Variants in MYO7A observed in about 807,000 individuals in gnomAD.
MYO7A encodes unconventional myosin-VIIa.
MYO7A carries 210 observed loss-of-function variants against 263.8 expected under a neutral mutation model. The ratio of observed to expected loss-of-function variants is 0.80; its 90% confidence interval spans 0.71 to 0.89. The LOEUF (loss-of-function observed/expected upper bound fraction) is 0.89, where lower values mean the gene tolerates loss of function less well. Ranked by LOEUF, MYO7A falls within the 40% of genes least tolerant of loss-of-function variation. MYO7A has a pLI of 0.00. For synonymous variants in MYO7A, 1,239 were observed against 1,197.3 expected, an observed-to-expected ratio of 1.03 and a Z score of -0.72; for missense variants, 2,820 against 2,968.3, an observed-to-expected ratio of 0.95 and a Z score of 1.16.
At chr11:77,208,554 G>C (rs1484984742) in intron 43 of MYO7A, 37 bp downstream of exon 43, 1 of 1,589,918 alleles carries the variant, frequency 6.3e-7, no homozygotes, top group Non-Finnish European at 8.6e-7. Flanking sequence ...CTGAGGCCCA[G>C]AGCAGGGAAG....
chr11:77,204,302 G>C, intron 39 of MYO7A, 73 bp downstream of exon 39: 3 of 1,520,118 alleles, frequency 2.0e-6, no homozygotes, highest in Non-Finnish European at 2.7e-6. Context: ...CCCTCCTGAG[G>C]CAGCTGCTGG....
chr11:77,213,115 G>A (rs997732727), intron 47 of MYO7A, 80 bp downstream of exon 47: 14 of 1,091,264 alleles, frequency 1.3e-5, no homozygotes, highest in Admixed American at 2.1e-5. Flanking sequence ...AACCCCACAA[G>A]CCCTCCTAGC....
In MYO7A at chr11:77,155,973, C is replaced by T; in HGVS notation, c.352C>T (p.His118Tyr). ...YQLLSIYSPE[H>Y]IRQYTNKKIG... is the part of the protein sequence containing the mutation. ...GCTGCTCTCCATCTACTCGCCAGAG[C>T]ACATCCGCCAGTATACCAACAAGAA... The change falls in exon 5 of 49, where the codon CAC becomes TAC. Residue 118 changes from histidine to tyrosine, a missense_variant. Transcript: ENST00000409709. The T allele has an allele frequency of 6.2e-7, 1 of 1,613,260 alleles. No individual in the cohort carries two copies. The highest frequency in any genetic ancestry group is 1.3e-5 in the African/African-American group (1 of 75,062).
Position 77,157,268 on chromosome 11 carries a change from C to A in MYO7A, c.736-11C>A. 4 of 1,599,258 alleles carry A rather than the reference C, an allele frequency of 2.5e-6. No homozygotes were observed. Among genetic ancestry groups the A allele is most frequent in the Non-Finnish European group, 3.4e-6 (4 of 1,171,388 alleles). ...CTCCCCTGGCCCCCAGCACTGTGCC[C>A]ACATTTTCAGGCCCTGGATGAAAGG... On this transcript the variant is annotated splice_polypyrimidine_tract_variant and intron_variant, in intron 7 of 48. Transcript: ENST00000409709.
intron 27 of MYO7A, among the ~76,000 whole-genome samples, chr11:77,185,975 T>C (rs542865008): frequency 5.4e-5 from 8 of 148,858 alleles, no homozygotes; most frequent in African/African-American, 2.0e-4. Flanking sequence ...CAGGCTGGAG[T>C]GCAGTGGCGC....
chr11:77,131,719 G>A (rs559981639), intron 2 of MYO7A, among the ~76,000 whole-genome samples: 5 of 152,322 alleles, frequency 3.3e-5, no homozygotes, highest in Middle Eastern at 3.4e-3. Context: ...CCCTCTGAAC[G>A]CTGACCCACC....
rs942527139 is a variant in MYO7A at position 77,208,921 on chromosome 11, A to G, written c.6051+118A>G. On this transcript the variant is annotated intron_variant, in intron 44 of 48. Coordinates refer to ENST00000409709, the MANE Select transcript of MYO7A (RefSeq NM_000260.4). The stretch of plus-strand genomic sequence containing the variant: ...TGGGGCCCGTACCAGCCTGGCCTCA[A>G]AGGGATTCCTGCCAAGACCACTGGA... The G allele has an allele frequency of 6.3e-6, 5 of 796,198 alleles. No homozygotes were observed. In the African/African-American group the frequency reaches 6.8e-5, roughly 11 times the overall value. The allele number at this position is 796,198 out of a possible 1,614,324, so 49.3% of individuals were successfully genotyped here. A position where few individuals can be genotyped will look rare whatever the true frequency, so the allele number is the denominator to read the frequency against.
At chr11:77,189,533 G>A in intron 28 of MYO7A, 63 bp downstream of exon 28, 1 of 1,599,666 alleles carries the variant, frequency 6.3e-7, no homozygotes, top group Non-Finnish European at 8.5e-7. Flanking sequence ...AGCACTGTGG[G>A]GAGAGCAATA....
chr11:77,188,568 C>T (rs967937100), intron 27 of MYO7A, among the ~76,000 whole-genome samples: 1 of 150,448 alleles, frequency 6.6e-6, no homozygotes, highest in East Asian at 1.9e-4. Context: ...TGCCCTTGTC[C>T]TTGAACAGGC....
intron 23 of MYO7A, among the ~76,000 whole-genome samples, 152 bp from the exon 24 acceptor site, chr11:77,181,799 T>G (rs1555084615): frequency 1.4e-5 from 2 of 141,708 alleles, no homozygotes; most frequent in Admixed American, 7.2e-5. Context: ...TTTTTTTTTT[T>G]TTTGAGATGG....
chr11:77,183,317 G>A (rs1232798505), intron 26 of MYO7A, among the ~76,000 whole-genome samples, 160 bp downstream of exon 26: 3 of 152,198 alleles, frequency 2.0e-5, no homozygotes, highest in Non-Finnish European at 4.4e-5. Flanking sequence ...AACATGAGTG[G>A]GTTGGTGGGC....
Position 77,203,042 on chromosome 11 carries a change from G to A in MYO7A, c.5169-18G>A. ...TGCCAGCGATGGGGCGTTGCTGACGGTCCCTGTGCTGCGGCAGGCCCCCAC... is the reference window on the plus strand; with the variant it reads ...TGCCAGCGATGGGGCGTTGCTGACGATCCCTGTGCTGCGGCAGGCCCCCAC... On this transcript the variant is annotated intron_variant, in intron 37 of 48. Coordinates refer to ENST00000409709, the MANE Select transcript of MYO7A (RefSeq NM_000260.4). The A allele has an allele frequency of 6.5e-7, 1 of 1,547,056 alleles. No homozygotes were observed. Among genetic ancestry groups the A allele is most frequent in the Non-Finnish European group, 8.7e-7 (1 of 1,146,326 alleles).
chr11:77,175,334 G>C (rs1555079369), intron 17 of MYO7A, 38 bp from the exon 18 acceptor site: 2 of 1,596,662 alleles, frequency 1.3e-6, no homozygotes, highest in African/African-American at 2.7e-5. Flanking sequence ...CCACTGGAGA[G>C]GCTGTCCATT....
At chr11:77,200,679 C>G (rs1957004616) in intron 35 of MYO7A, among the ~76,000 whole-genome samples, 1 of 152,230 alleles carries the variant, frequency 6.6e-6, no homozygotes, top group African/African-American at 2.4e-5. Flanking sequence ...TCCCCTGAAG[C>G]TAGACCAAAT....
chr11:77,166,734 G>A (rs1014119868), intron 15 of MYO7A, among the ~76,000 whole-genome samples: 1 of 152,160 alleles, frequency 6.6e-6, no homozygotes, highest in Non-Finnish European at 1.5e-5. Context: ...GCAGAAGACA[G>A]TCCTTGCCCC....
intron 15 of MYO7A, among the ~76,000 whole-genome samples, chr11:77,168,067 C>A (rs1953724869): frequency 6.6e-6 from 1 of 152,230 alleles, no homozygotes; most frequent in Admixed American, 6.5e-5. Flanking sequence ...CTTTCCTCTT[C>A]TCCTGTAGCC....
chr11:77,181,351 G>A (rs782802974), intron 22 of MYO7A, 29 bp from the exon 23 acceptor site: 160 of 1,535,592 alleles, frequency 1.0e-4, no homozygotes, highest in Middle Eastern at 2.1e-4. Flanking sequence ...GGCTGACCCC[G>A]TGTCTTCTGT....
At chr11:77,169,830 C>T (rs962399401) in intron 15 of MYO7A, among the ~76,000 whole-genome samples, 2 of 152,168 alleles carry the variant, frequency 1.3e-5, no homozygotes, top group Admixed American at 6.5e-5. Context: ...AATTCCAAAA[C>T]TTTGGGAGGC....
chr11:77,193,013 GTGGAGGTAGCGATGGTGT>G (rs1956275921), intron 31 of MYO7A, among the ~76,000 whole-genome samples: 1 of 142,712 alleles, frequency 7.0e-6, no homozygotes, highest in Non-Finnish European at 1.5e-5. Context: ...GTTGGTGATG[GTGGAGGTAGCGATGGTGT>G]TGTTGGTGAT....
Sources: gnomAD v4.1 joint callset for allele counts (sites outside exome capture counted in the v4.1 genomes callset) on GRCh38, gnomAD v4.1.1 for gene constraint, MANE v1.5 for transcripts, NCBI Gene and HGNC (gene_info 2026-07-23, HGNC 2026-07-21) for gene names.